The following ZNF385B variants were observed in gnomAD, a reference collection of about 807,000 sequenced individuals.
The protein encoded by ZNF385B is zinc finger protein 385B.
ZNF385B carries 23 observed loss-of-function variants against 39.2 expected under a neutral mutation model. That is an observed-to-expected ratio of 0.59 (90% CI 0.42 to 0.83). The LOEUF is 0.83. ZNF385B is among the 40% of genes least tolerant of loss of function. The probability of loss-of-function intolerance (pLI) is 0.00; values close to 1 mark genes in which losing one functional copy is unlikely to be tolerated. For missense variants in ZNF385B, 552 were observed against 598.9 expected, an observed-to-expected ratio of 0.92 and a Z score of 0.82; for synonymous variants, 205 against 222.6, an observed-to-expected ratio of 0.92 and a Z score of 0.70.
chr2:179,461,288 G>A lies in ZNF385B; in HGVS notation c.716-14518C>T, dbSNP rs142952853. ...TTCATAAGACCATTTTGCCTCTTGCGTGGAGAATAGACTGTGAAAGGATAA... is the reference window on the plus strand; with the variant it reads ...TTCATAAGACCATTTTGCCTCTTGCATGGAGAATAGACTGTGAAAGGATAA... On this transcript the variant is annotated intron_variant, in intron 6 of 9. Transcript: ENST00000410066. Among the ~76,000 whole-genome samples the A allele has an allele frequency of 4.6e-5, 7 of 152,246 alleles. No individual in the cohort carries two copies. The East Asian group carries it at 5.8e-4, about 13-fold the overall frequency.
chr2:179,846,484 T>C (rs1708807064), intron 1 of ZNF385B, among the ~76,000 whole-genome samples: 1 of 152,202 alleles, frequency 6.6e-6, no homozygotes, highest in East Asian at 1.9e-4. Context: ...TCTATTTGTG[T>C]GGTTCTAAAT....
chr2:179,646,945 A>C (rs964874235), intron 3 of ZNF385B, among the ~76,000 whole-genome samples: 1 of 152,214 alleles, frequency 6.6e-6, no homozygotes, highest in East Asian at 1.9e-4. Flanking sequence ...TTAGGGATTA[A>C]AATTTCATAC....
At chr2:179,660,232 T>C (rs1418944220) in intron 3 of ZNF385B, 1 of 152,392 alleles carries the variant, frequency 6.6e-6, no homozygotes, top group Admixed American at 6.6e-5. Flanking sequence ...TTAAGTCTGC[T>C]GGAGTACTGG....
intron 1 of ZNF385B, among the ~76,000 whole-genome samples, chr2:179,784,223 C>G (rs1001696088): frequency 6.6e-6 from 1 of 152,014 alleles, no homozygotes; most frequent in Non-Finnish European, 1.5e-5. Context: ...AATGCAAGAA[C>G]AGAAAACGGA....
intron 3 of ZNF385B, among the ~76,000 whole-genome samples, chr2:179,593,235 AT>A (rs1338415020): frequency 6.6e-5 from 10 of 152,350 alleles, no homozygotes; most frequent in South Asian, 4.1e-4. Context: ...AATGAAAAAA[AT>A]ATTAAAGTTT....
chr2:179,445,096 G>A (rs1435654629), intron 8 of ZNF385B, 119 bp from the exon 9 acceptor site: 6 of 821,210 alleles, frequency 7.3e-6, no homozygotes, highest in Non-Finnish European at 1.0e-5. Flanking sequence ...ACGATGGTGT[G>A]GGTAAAATCA....
At chr2:179,498,873 T>C (rs1476700036) in intron 5 of ZNF385B, among the ~76,000 whole-genome samples, 1 of 151,188 alleles carries the variant, frequency 6.6e-6, no homozygotes, top group Non-Finnish European at 1.5e-5. Context: ...AAAAAATCAA[T>C]GAAACAAAAA....
At position 179,718,848 on chromosome 2, in the gene ZNF385B, A is replaced by C. The variant is rs575331589; in HGVS notation, c.298+50655T>G. Among the ~76,000 whole-genome samples the C allele has an allele frequency of 3.7e-3, 558 of 151,418 alleles. 5 individuals carry two copies. The highest frequency in any genetic ancestry group is 0.013 in the African/African-American group (536 of 41,402). ...ATCTATTAAAAAAAAAAAACCCAAA[A>C]GCCAAATTTCTATTTTCATTTTAAA... On this transcript the variant is annotated intron_variant, in intron 3 of 9. Transcript: ENST00000410066.
At chr2:179,672,937 C>CA (rs1696233405) in intron 3 of ZNF385B, among the ~76,000 whole-genome samples, 1 of 152,036 alleles carries the variant, frequency 6.6e-6, no homozygotes, top group Non-Finnish European at 1.5e-5. Context: ...TGAATAGAAG[C>CA]AAAAATCAAG....
At chr2:179,627,727 A>G (rs1251681030) in intron 3 of ZNF385B, among the ~76,000 whole-genome samples, 9 of 152,170 alleles carry the variant, frequency 5.9e-5, no homozygotes. Flanking sequence ...TCAGAGAGCT[A>G]TTTACTAGCA....
chr2:179,750,035 A>C (rs906170528), intron 3 of ZNF385B, among the ~76,000 whole-genome samples: 4 of 152,118 alleles, frequency 2.6e-5, no homozygotes, highest in Non-Finnish European at 1.5e-5. Flanking sequence ...TTCTGTACTT[A>C]ATCCACACAC....
In ZNF385B at chr2:179,445,724, A is replaced by C; in HGVS notation, c.966T>G (p.Ser322=). 1 of 1,607,780 alleles carries C rather than the reference A, an allele frequency of 6.2e-7. No individual in the cohort carries two copies. Among genetic ancestry groups the C allele is most frequent in the Non-Finnish European group, 8.5e-7 (1 of 1,177,894 alleles). The change falls in exon 8 of 10, where the codon TCT becomes TCG. Residue 322 remains serine, a synonymous_variant. Coordinates refer to ENST00000410066, the MANE Select transcript of ZNF385B (RefSeq NM_152520.6). ...GAGCTTCAACCATGGTCTTGTGTTT[A>C]GATCCTAAGACAGAAAGAGACACAT... ...LSQLEAHNTG[S]KHKTMVEARN...
intron 6 of ZNF385B, among the ~76,000 whole-genome samples, chr2:179,475,397 G>A (rs1213176253): frequency 2.0e-5 from 3 of 151,690 alleles, no homozygotes; most frequent in Non-Finnish European, 2.9e-5. Context: ...GACTACAGGC[G>A]CCCGCCACCA....
chr2:179,455,033 G>A (rs1379436682), intron 6 of ZNF385B, among the ~76,000 whole-genome samples: 2 of 152,038 alleles, frequency 1.3e-5, no homozygotes, highest in Non-Finnish European at 2.9e-5. Context: ...AATGTCCTGG[G>A]CCTTCACATT....
At chr2:179,798,964 A>G (rs1705857155) in intron 1 of ZNF385B, among the ~76,000 whole-genome samples, 1 of 152,088 alleles carries the variant, frequency 6.6e-6, no homozygotes, top group African/African-American at 2.4e-5. Context: ...AATATTTTAT[A>G]TTAATGGTTT....
chr2:179,714,798 A>C (rs942193690), intron 3 of ZNF385B, among the ~76,000 whole-genome samples: 9 of 151,950 alleles, frequency 5.9e-5, no homozygotes, highest in Admixed American at 5.2e-4. Flanking sequence ...CTACAAAAAA[A>C]AAATTAGCCA....
chr2:179,760,102 G>A (rs1269591214), intron 3 of ZNF385B, among the ~76,000 whole-genome samples: 1 of 149,292 alleles, frequency 6.7e-6, no homozygotes, highest in Non-Finnish European at 1.5e-5. Context: ...AGGCTGGAGT[G>A]CAGTGGCGTG....
At chr2:179,460,104 AAAAAG>A (rs919999464) in intron 6 of ZNF385B, among the ~76,000 whole-genome samples, 8 of 152,166 alleles carry the variant, frequency 5.3e-5, no homozygotes, top group East Asian at 1.9e-4. Context: ...ACTCTGTCTC[AAAAAG>A]AAAAGAAAAG....
At chr2:179,843,858 A>T (rs949625249) in intron 1 of ZNF385B, among the ~76,000 whole-genome samples, 8 of 152,230 alleles carry the variant, frequency 5.3e-5, no homozygotes, top group African/African-American at 1.9e-4. Context: ...CCTGAATTTT[A>T]TCTACTTTGA....
Sources: allele counts gnomAD v4.1 joint callset (sites outside exome capture counted in the v4.1 genomes callset), GRCh38; gene constraint gnomAD v4.1.1; transcripts MANE v1.5; gene names NCBI Gene and HGNC (gene_info 2026-07-23, HGNC 2026-07-21).